The following ROBO2 variants were observed in gnomAD, a reference collection of about 807,000 sequenced individuals.
ROBO2 encodes the protein roundabout homolog 2.
In ROBO2, 53 loss-of-function variants were observed where a neutral mutation model predicts 160.8. The observed-to-expected ratio is 0.33, with a 90% CI of 0.26 to 0.41. ROBO2 has a LOEUF of 0.41. Among genes scored for constraint, ROBO2 ranks in the 10% least tolerant of loss-of-function variants. The probability of loss-of-function intolerance (pLI) is 1.00; values close to 1 mark genes in which losing one functional copy is unlikely to be tolerated. For synonymous variants in ROBO2, 664 were observed against 611.7 expected (o/e 1.09, Z -1.26); for missense variants, 1,577 against 1,722.4 (o/e 0.92, Z 1.49).
intron 2 of ROBO2, among the ~76,000 whole-genome samples, chr3:76,863,994 G>A (rs983550788): frequency 2.0e-5 from 3 of 151,950 alleles, no homozygotes; most frequent in Non-Finnish European, 4.4e-5. Context: ...AATAAATATA[G>A]GGTGTAACAT....
chr3:77,579,579 T>C (rs937741586), intron 15 of ROBO2, among the ~76,000 whole-genome samples: 1 of 152,206 alleles, frequency 6.6e-6, no homozygotes, highest in Admixed American at 6.6e-5. Context: ...GGAAATTATG[T>C]GTTTTAATCC....
intron 1 of ROBO2, among the ~76,000 whole-genome samples, chr3:75,936,294 C>T (rs570033622): frequency 6.6e-6 from 1 of 152,214 alleles, no homozygotes; most frequent in Non-Finnish European, 1.5e-5. Context: ...AGAAAGAAAA[C>T]TTCTGGGTGA....
intron 5 of ROBO2, among the ~76,000 whole-genome samples, chr3:77,494,989 G>T (rs1255690947): frequency 6.6e-6 from 1 of 152,204 alleles, no homozygotes; most frequent in East Asian, 1.9e-4. Flanking sequence ...GGTATTAGTA[G>T]AAGAGGTTTG....
At chr3:77,483,244 A>G (rs1276718508) in intron 4 of ROBO2, among the ~76,000 whole-genome samples, 1 of 151,964 alleles carries the variant, frequency 6.6e-6, no homozygotes, top group East Asian at 1.9e-4. Flanking sequence ...TGGTAAGAAA[A>G]CAACATCCAA....
intron 16 of ROBO2, among the ~76,000 whole-genome samples, chr3:77,582,552 A>G (rs2093947532): frequency 6.6e-6 from 1 of 152,164 alleles, no homozygotes; most frequent in African/African-American, 2.4e-5. Context: ...TTTTGATAAA[A>G]TGAGAAAGGG....
intron 2 of ROBO2, among the ~76,000 whole-genome samples, chr3:76,470,725 A>G (rs2107048108): frequency 6.6e-6 from 1 of 152,016 alleles, no homozygotes; most frequent in East Asian, 1.9e-4. Flanking sequence ...ATAGAAAGAA[A>G]CTCTAGAAGA....
chr3:77,322,942 T>TTATATTATGGATAA (rs2064929637), intron 2 of ROBO2, among the ~76,000 whole-genome samples: 4 of 1,486 alleles, frequency 2.7e-3, no homozygotes, highest in African/African-American at 9.1e-3. Context: ...ATATAATATA[T>TTATATTATGGATAA]TATATTATAT....
intron 2 of ROBO2, among the ~76,000 whole-genome samples, chr3:77,410,492 CTCCTCCTCCTCTTCCTCCTCT>C (rs1260757302): frequency 7.0e-6 from 1 of 143,876 alleles, no homozygotes; most frequent in Non-Finnish European, 1.6e-5. Flanking sequence ...CTCTTCTTTC[CTCCTCCTCCTCTTCCTCCTCT>C]TCCTCCTCCT....
chr3:76,046,183 C>T (rs2067440643), intron 2 of ROBO2, among the ~76,000 whole-genome samples: 1 of 151,982 alleles, frequency 6.6e-6, no homozygotes, highest in Non-Finnish European at 1.5e-5. Context: ...CATAGAATTA[C>T]AGCTTTCCCG....
intron 2 of ROBO2, among the ~76,000 whole-genome samples, chr3:77,419,456 G>A (rs2077524711): frequency 6.6e-6 from 1 of 152,028 alleles, no homozygotes; most frequent in African/African-American, 2.4e-5. Context: ...AATTGAACAT[G>A]AGGACATATA....
In ROBO2 at chr3:76,657,461, ATTGGCC is replaced by A. The variant is rs1560318529; in HGVS notation, c.110-440552_110-440547del. Among the ~76,000 whole-genome samples, 69 of 150,904 alleles carry A rather than the reference ATTGGCC, an allele frequency of 4.6e-4. No individual in the cohort carries two copies. In the South Asian group the frequency reaches 6.9e-3, roughly 15 times the overall value. ...CAAAAAAATTACATTAAAAAAAAAA[ATTGGCC>A]AGCTGCGGTGGCTCACGCCTGTAGT... On this transcript the variant is annotated intron_variant, in intron 2 of 26. Coordinates refer to the ROBO2 transcript ENST00000487694.
intron 2 of ROBO2, among the ~76,000 whole-genome samples, chr3:76,723,848 G>A (rs1018160046): frequency 6.6e-6 from 1 of 152,132 alleles, no homozygotes; most frequent in Non-Finnish European, 1.5e-5. Context: ...AATCATCTGG[G>A]TTAAGGGGGC....
At chr3:77,112,551 A>T (rs2073766204) in intron 2 of ROBO2, among the ~76,000 whole-genome samples, 1 of 152,052 alleles carries the variant, frequency 6.6e-6, no homozygotes, top group African/African-American at 2.4e-5. Flanking sequence ...GCCGAGAAAG[A>T]TCAAGGATTT....
chr3:76,221,864 C>T (rs1472313726), intron 2 of ROBO2, among the ~76,000 whole-genome samples: 1 of 152,088 alleles, frequency 6.6e-6, no homozygotes, highest in East Asian at 1.9e-4. Flanking sequence ...TCGGTGGAAG[C>T]ATTGCACCCA....
chr3:76,479,577 C>A (rs1455839887), intron 2 of ROBO2, among the ~76,000 whole-genome samples: 1 of 152,048 alleles, frequency 6.6e-6, no homozygotes, highest in Admixed American at 6.6e-5. Context: ...AGAAATTGCC[C>A]CAAGTACTAG....
chr3:76,647,824 T>C (rs1010056466), intron 2 of ROBO2, among the ~76,000 whole-genome samples: 3 of 152,106 alleles, frequency 2.0e-5, no homozygotes, highest in African/African-American at 7.2e-5. Context: ...AAAAGTTACG[T>C]TGAAATATTT....
chr3:76,534,342 G>A (rs1033288984), intron 2 of ROBO2, among the ~76,000 whole-genome samples: 1 of 152,138 alleles, frequency 6.6e-6, no homozygotes, highest in African/African-American at 2.4e-5. Context: ...TAGCTTTAAT[G>A]TAGGTGGCGA....
intron 2 of ROBO2, among the ~76,000 whole-genome samples, chr3:77,402,849 G>T (rs1446953236): frequency 6.6e-6 from 1 of 151,516 alleles, no homozygotes; most frequent in East Asian, 1.9e-4. Flanking sequence ...CTCCCAAGTC[G>T]CCCACTTGGC....
chr3:77,148,998 C>A (rs2077339543), intron 2 of ROBO2, among the ~76,000 whole-genome samples: 1 of 151,426 alleles, frequency 6.6e-6, no homozygotes, highest in African/African-American at 2.4e-5. Flanking sequence ...CGCTACTAAC[C>A]AAAGTTCATT....
Sources: gnomAD v4.1 joint callset for allele counts (sites outside exome capture counted in the v4.1 genomes callset) on GRCh38, gnomAD v4.1.1 for gene constraint, MANE v1.5 for transcripts, NCBI Gene and HGNC (gene_info 2026-07-23, HGNC 2026-07-21) for gene names.